PDSS2: variants seen among roughly 807,000 people sequenced by gnomAD.
PDSS2 encodes the protein all trans-polyprenyl-diphosphate synthase PDSS2.
PDSS2 carries 31 observed loss-of-function variants against 44.5 expected under a neutral mutation model. The ratio of observed to expected loss-of-function variants is 0.70; its 90% CI spans 0.52 to 0.94. The LOEUF (loss-of-function observed/expected upper bound fraction) is 0.94. Among genes scored for constraint, PDSS2 ranks in the 40% least tolerant of loss-of-function variants. The probability of loss-of-function intolerance (pLI) is 0.00; values close to 1 mark genes in which losing one functional copy is unlikely to be tolerated. For synonymous variants in PDSS2, 157 were observed against 180.3 expected (o/e 0.87, Z 1.03); for missense variants, 452 against 482.2 (o/e 0.94, Z 0.59).
At chr6:107,200,733 T>G (rs1452036952) in intron 6 of PDSS2, among the ~76,000 whole-genome samples, 1 of 152,004 alleles carries the variant, frequency 6.6e-6, no homozygotes, top group Non-Finnish European at 1.5e-5. Flanking sequence ...ATAGCGTGAT[T>G]TCGGCTCACT....
chr6:107,205,296 C>T (rs888035487), intron 6 of PDSS2, among the ~76,000 whole-genome samples: 23 of 152,166 alleles, frequency 1.5e-4, no homozygotes, highest in African/African-American at 5.5e-4. Flanking sequence ...CATTTCAGTA[C>T]TATTAGGAAT....
At chr6:107,247,427 G>A (rs1042085627) in intron 3 of PDSS2, among the ~76,000 whole-genome samples, 13 of 152,108 alleles carry the variant, frequency 8.5e-5, no homozygotes, top group Admixed American at 7.2e-4. Flanking sequence ...TTCTCATTGC[G>A]TAAACCTGTC....
At chr6:107,413,468 CA>C (rs1352359240) in intron 1 of PDSS2, among the ~76,000 whole-genome samples, 1 of 152,184 alleles carries the variant, frequency 6.6e-6, no homozygotes, top group African/African-American at 2.4e-5. Flanking sequence ...CTCGGGAGAT[CA>C]GGGCTGCAGT....
intron 7 of PDSS2, among the ~76,000 whole-genome samples, chr6:107,178,375 G>A (rs1392285534): frequency 6.6e-6 from 1 of 152,174 alleles, no homozygotes; most frequent in Non-Finnish European, 1.5e-5. Context: ...CCAAATGTAG[G>A]AGGTCTCTAC....
At chr6:107,331,265 T>A (rs539418943) in intron 2 of PDSS2, among the ~76,000 whole-genome samples, 1 of 152,222 alleles carries the variant, frequency 6.6e-6, no homozygotes, top group Admixed American at 6.5e-5. Flanking sequence ...TATACCAAAT[T>A]ACTTTTTCAC....
intron 1 of PDSS2, among the ~76,000 whole-genome samples, chr6:107,364,234 C>G (rs902240544): frequency 2.6e-5 from 4 of 152,190 alleles, no homozygotes; most frequent in African/African-American, 4.8e-5. Context: ...AGTCCTGCGC[C>G]GTGCGCTCGC....
intron 1 of PDSS2, among the ~76,000 whole-genome samples, chr6:107,388,534 C>T (rs1779681865): frequency 6.6e-6 from 1 of 151,654 alleles, no homozygotes; most frequent in East Asian, 1.9e-4. Context: ...CTGCAAGCTC[C>T]GCCTCCCGGG....
intron 7 of PDSS2, among the ~76,000 whole-genome samples, chr6:107,161,482 GA>G (rs529825329): frequency 0.33 from 38,931 of 119,492 alleles, 5,712 homozygotes; most frequent in Non-Finnish European, 0.38. Flanking sequence ...TCCGTCTCAG[GA>G]AAAAAAAAAA....
intron 7 of PDSS2, among the ~76,000 whole-genome samples, chr6:107,179,243 G>A (rs1427206400): frequency 6.6e-6 from 1 of 152,058 alleles, no homozygotes; most frequent in African/African-American, 2.4e-5. Context: ...ATCTTCAGAG[G>A]TACAGCTTTG....
At chr6:107,426,534 T>C (rs1029007376) in intron 1 of PDSS2, among the ~76,000 whole-genome samples, 3 of 151,968 alleles carry the variant, frequency 2.0e-5, no homozygotes, top group African/African-American at 4.8e-5. Context: ...GGGCCACCAT[T>C]CTCCAGACCC....
At chr6:107,264,388 A>G in intron 3 of PDSS2, 1 of 1,545,878 alleles carries the variant, frequency 6.5e-7, no homozygotes, top group Non-Finnish European at 8.7e-7. Flanking sequence ...ATAAATCACT[A>G]ATGCTTAATA....
At chr6:107,406,212 G>C (rs1198142226) in intron 1 of PDSS2, among the ~76,000 whole-genome samples, 1 of 152,020 alleles carries the variant, frequency 6.6e-6, no homozygotes, top group Non-Finnish European at 1.5e-5. Context: ...ACACTCAAAT[G>C]CAAGTAATAA....
At chr6:107,238,945 A>G (rs1774323920) in intron 4 of PDSS2, among the ~76,000 whole-genome samples, 1 of 152,170 alleles carries the variant, frequency 6.6e-6, no homozygotes, top group African/African-American at 2.4e-5. Context: ...AGTTATATAC[A>G]GTAAGATGTT....
intron 3 of PDSS2, among the ~76,000 whole-genome samples, chr6:107,250,251 C>T (rs988080424): frequency 1.3e-5 from 2 of 150,626 alleles, no homozygotes; most frequent in African/African-American, 4.9e-5. Flanking sequence ...GGAAAAAAAG[C>T]TATTTACAAA....
At chr6:107,246,788 T>G (rs2114810317) in intron 3 of PDSS2, among the ~76,000 whole-genome samples, 1 of 152,328 alleles carries the variant, frequency 6.6e-6, no homozygotes, top group South Asian at 2.1e-4. Context: ...GATATGAAAT[T>G]TTTGCTGATT....
intron 2 of PDSS2, among the ~76,000 whole-genome samples, chr6:107,294,931 C>A (rs756830380): frequency 6.6e-6 from 1 of 151,940 alleles, no homozygotes; most frequent in East Asian, 1.9e-4. Flanking sequence ...GGGTTCTGTT[C>A]TTTTTTTCTT....
intron 1 of PDSS2, among the ~76,000 whole-genome samples, chr6:107,357,590 AAAT>A (rs1170618226): frequency 6.6e-6 from 1 of 152,152 alleles, no homozygotes; most frequent in African/African-American, 2.4e-5. Context: ...AAATGTAAAC[AAAT>A]AATGACACAA....
intron 1 of PDSS2, among the ~76,000 whole-genome samples, chr6:107,397,972 G>A (rs1348892783): frequency 1.3e-5 from 2 of 151,930 alleles, no homozygotes; most frequent in African/African-American, 2.4e-5. Context: ...AATTATGGAC[G>A]GGTAAAAAAA....
chr6:107,189,940 C>G (rs1323762072), intron 7 of PDSS2, among the ~76,000 whole-genome samples: 1 of 151,854 alleles, frequency 6.6e-6, no homozygotes, highest in Admixed American at 6.6e-5. Context: ...AAAAAATAGC[C>G]GGGTGTGGTG....
Sources: gnomAD v4.1 joint callset for allele counts (sites outside exome capture counted in the v4.1 genomes callset) on GRCh38, gnomAD v4.1.1 for gene constraint, MANE v1.5 for transcripts, NCBI Gene and HGNC (gene_info 2026-07-23, HGNC 2026-07-21) for gene names.